The following DNAH2 variants were observed in gnomAD, a reference collection of about 807,000 sequenced individuals.
The protein encoded by DNAH2 is dynein axonemal heavy chain 2.
Under a neutral mutation model 523.5 loss-of-function variants are expected in DNAH2, and 323 were observed. The ratio of observed to expected loss-of-function variants is 0.62; its 90% CI spans 0.56 to 0.68. DNAH2 has a LOEUF of 0.68. DNAH2 is among the 30% of genes least tolerant of loss of function. The probability of loss-of-function intolerance (pLI) is 0.00; values close to 1 mark genes in which losing one functional copy is unlikely to be tolerated. For missense variants in DNAH2, 4,907 were observed against 5,701.5 expected (o/e 0.86, Z 4.49); for synonymous variants, 2,093 against 2,177.4 (o/e 0.96, Z 1.08).
chr17:7,768,140 C>G (rs751700343), intron 23 of DNAH2, 24 bp from the exon 24 acceptor site: 1 of 1,614,206 alleles, frequency 6.2e-7, no homozygotes, highest in Non-Finnish European at 8.5e-7. Flanking sequence ...GTCGGGTCTT[C>G]TCATGCCCCC....
chr17:7,725,520 C>T (rs2074777222), intron 3 of DNAH2, among the ~76,000 whole-genome samples: 1 of 150,408 alleles, frequency 6.6e-6, no homozygotes, highest in Non-Finnish European at 1.5e-5. Flanking sequence ...GCAACCTCCG[C>T]CTCCCGGGCT....
intron 28 of DNAH2, among the ~76,000 whole-genome samples, chr17:7,771,869 A>T (rs2309877): frequency 0.24 from 36,221 of 151,868 alleles, 5,605 homozygotes; most frequent in Non-Finnish European, 0.35. Context: ...AGCGTGTGCC[A>T]CTACCTCTGG....
intron 3 of DNAH2, among the ~76,000 whole-genome samples, chr17:7,724,266 A>G (rs1597452182): frequency 6.6e-6 from 1 of 152,194 alleles, no homozygotes; most frequent in Non-Finnish European, 1.5e-5. Flanking sequence ...AAGAGACAGA[A>G]AAGTAAAATA....
intron 75 of DNAH2, 32 bp downstream of exon 75, chr17:7,824,014 C>T (rs2077946471): frequency 6.2e-7 from 1 of 1,603,720 alleles, no homozygotes; most frequent in Non-Finnish European, 8.5e-7. Flanking sequence ...TCCCCACGGC[C>T]CATGGGTCTT....
At chr17:7,812,546 A>T (rs1470431304) in intron 63 of DNAH2, among the ~76,000 whole-genome samples, 2 of 152,010 alleles carry the variant, frequency 1.3e-5, no homozygotes, top group Non-Finnish European at 2.9e-5. Context: ...TGAGCCCAGA[A>T]GGTTGAGGGT....
chr17:7,788,937 G>A (rs373969784), intron 44 of DNAH2, among the ~76,000 whole-genome samples: 9 of 152,180 alleles, frequency 5.9e-5, no homozygotes, highest in African/African-American at 2.2e-4. Flanking sequence ...GGCCGAGGTG[G>A]GTGGATCACC....
chr17:7,747,563 C>T (rs891905154), intron 12 of DNAH2, among the ~76,000 whole-genome samples: 2 of 152,076 alleles, frequency 1.3e-5, no homozygotes, highest in African/African-American at 4.8e-5. Flanking sequence ...TAGGATAAAC[C>T]AGGAGACAAC....
Position 7,816,615 on chromosome 17 carries a change from G to T in DNAH2, c.9774G>T (p.Lys3258Asn). The part of the protein sequence containing the change: ...LEMLKKQYDE[K>N]LAQKEELRKK... ...TGCTAAAGAAACAGTATGATGAGAAGCTGGCACAGAAGGAGGAGCTTCGCA... is the reference window on the plus strand; with the variant it reads ...TGCTAAAGAAACAGTATGATGAGAATCTGGCACAGAAGGAGGAGCTTCGCA... The change falls in exon 64 of 86, where the codon AAG (lysine) becomes AAT (asparagine). Residue 3258 changes from lysine (K) to asparagine (N), a missense_variant. Transcript: ENST00000572933. The T allele has an allele frequency of 2.5e-6, 4 of 1,614,244 alleles. No homozygotes were observed. Among genetic ancestry groups the T allele is most frequent in the Non-Finnish European group, 3.4e-6 (4 of 1,180,042 alleles).
rs753467543 is a variant in DNAH2, at chr17:7,780,255, C to G, written c.5821C>G (p.Leu1941Val). Residue 1941 changes from leucine (L) to valine (V), a missense_variant, in exon 37 of 86, where the codon CTC becomes GTC. Physicochemically the swap from Leu to Val is conservative, Grantham distance 32. Around this residue, in one of 3 missense-constraint regions of DNAH2, gnomAD observed 2,806 missense variants for 3,190.8 expected, o/e 0.88. Transcript: ENST00000572933. The surrounding 1 kb of genome is among the most constrained non-coding windows in gnomAD (Gnocchi z 4.4). The part of the protein sequence containing the change: ...PDSTLIAEII[L>V]FGEGFGNCKI... Reference sequence around the variant, plus strand: ...CTCCACCCTCATTGCAGAAATCATTCTCTTTGGAGAGGGCTTTGGCAACTG... The same window carrying G: ...CTCCACCCTCATTGCAGAAATCATTGTCTTTGGAGAGGGCTTTGGCAACTG... The G allele has an allele frequency of 6.2e-7, 1 of 1,614,176 alleles. No individual in the cohort carries two copies. Among genetic ancestry groups the G allele is most frequent in the Non-Finnish European group, 8.5e-7 (1 of 1,180,024 alleles).
intron 13 of DNAH2, 119 bp downstream of exon 13, chr17:7,757,356 C>A: frequency 2.3e-6 from 3 of 1,314,094 alleles, no homozygotes; most frequent in Non-Finnish European, 3.1e-6. Flanking sequence ...TCTTTTCCAT[C>A]TCAAAAAAAA....
chr17:7,832,761 C>T lies in DNAH2; in HGVS notation c.12903+6C>T. Reference sequence around the variant, plus strand: ...CTTCAGCTCGCCAAAACAACGTGAGCAATGTGCAAAGTGTGAGGGGGGGAT... The same window carrying T: ...CTTCAGCTCGCCAAAACAACGTGAGTAATGTGCAAAGTGTGAGGGGGGGAT... On this transcript the variant is annotated splice_donor_region_variant and intron_variant, in intron 83 of 85. Transcript: ENST00000572933. This position sits in a 1 kb window ranked among gnomAD's most constrained non-coding sequence, Gnocchi z 4.3. 1 of 1,614,056 alleles carries T rather than the reference C, an allele frequency of 6.2e-7. No homozygotes were observed. Among genetic ancestry groups the T allele is most frequent in the South Asian group, 1.1e-5 (1 of 91,078 alleles).
In DNAH2 at chr17:7,831,838, C is replaced by A; in HGVS notation, c.12726+63C>A. ...AGCTCCCCTCTCAATCCTGGGCCCC[C>A]CAATCTCCTGGTTCTAGGTGGGCAT... On this transcript the variant is annotated intron_variant, in intron 82 of 85. Transcript: ENST00000572933. The surrounding 1 kb of genome is among the most constrained non-coding windows in gnomAD (Gnocchi z 4.2). 1 of 1,469,942 alleles carries A rather than the reference C, an allele frequency of 6.8e-7. No homozygotes were observed. The allele number at this position is 1,469,942 out of a possible 1,614,324, so 91.1% of individuals were successfully genotyped here.
chr17:7,775,300 C>T lies in DNAH2; in HGVS notation c.4779C>T (p.Tyr1593=), dbSNP rs1433170825. Residue 1593 remains tyrosine (Y), a synonymous_variant, in exon 30 of 86, where the codon TAC becomes TAT. Transcript: ENST00000572933. ...AVGMFSGDGE[Y]IDFLHSVFLE... ...GGATGTTCTCGGGCGACGGCGAGTACATTGACTTCCTCCACTCAGTATTTT... is the reference window on the plus strand; with the variant it reads ...GGATGTTCTCGGGCGACGGCGAGTATATTGACTTCCTCCACTCAGTATTTT... 6.2e-7 allele frequency: 1 copy of T among 1,613,432 alleles called. No individual in the cohort carries two copies. Among genetic ancestry groups the T allele is most frequent in the Non-Finnish European group, 8.5e-7 (1 of 1,179,746 alleles).
In DNAH2 at chr17:7,833,599, A is replaced by C. The variant is rs1306943481; in HGVS notation, c.*66A>C. On this transcript the variant is annotated 3_prime_UTR_variant, in exon 86 of 86. Coordinates refer to ENST00000572933, the MANE Select transcript of DNAH2 (RefSeq NM_020877.5). ...CTCCAGGAGCTAAGACAGATGTTGC[A>C]CCTAGGACTGAGGCCGGACCTCACT... 5.6e-6 allele frequency: 9 copies of C among 1,599,910 alleles called. No individual in the cohort carries two copies. Among genetic ancestry groups the C allele is most frequent in the African/African-American group, 1.3e-5 (1 of 74,852 alleles).
intron 4 of DNAH2, among the ~76,000 whole-genome samples, chr17:7,731,632 A>C (rs1480848280): frequency 2.0e-5 from 3 of 152,194 alleles, no homozygotes; most frequent in African/African-American, 7.2e-5. Context: ...GTGGAATTTT[A>C]GATGACATTT....
chr17:7,787,250 G>GT (rs559701879), intron 42 of DNAH2: 23 of 646,620 alleles, frequency 3.6e-5, no homozygotes, highest in Non-Finnish European at 6.0e-5. Flanking sequence ...ACCCTCTGTT[G>GT]TAAGCACTGT....
At chr17:7,741,324 T>TCCCTCCTTCCTC (rs1284001936) in intron 11 of DNAH2, among the ~76,000 whole-genome samples, 1 of 45,848 alleles carries the variant, frequency 2.2e-5, no homozygotes, top group Non-Finnish European at 4.2e-5. Context: ...CCTCCCTCCC[T>TCCCTCCTTCCTC]CCTTCCTTCC....
intron 12 of DNAH2, among the ~76,000 whole-genome samples, chr17:7,748,566 G>A (rs1459012678): frequency 6.6e-6 from 1 of 152,170 alleles, no homozygotes; most frequent in Non-Finnish European, 1.5e-5. Context: ...TGCAATCTTG[G>A]CTCACTGTAG....
intron 7 of DNAH2, 119 bp downstream of exon 7, chr17:7,734,827 C>A: frequency 9.8e-7 from 1 of 1,020,460 alleles, no homozygotes; most frequent in South Asian, 1.5e-5. Flanking sequence ...GACTGACCCA[C>A]CCAGGGTTCG....
Sources: allele counts gnomAD v4.1 joint callset (sites outside exome capture counted in the v4.1 genomes callset), GRCh38; gene constraint gnomAD v4.1.1; regional missense constraint gnomAD v4.1.1; non-coding constraint Gnocchi (gnomAD v3.1); transcripts MANE v1.5; gene names NCBI Gene and HGNC (gene_info 2026-07-23, HGNC 2026-07-21).